FANK1: variants seen among roughly 807,000 people sequenced by gnomAD.
FANK1 encodes fibronectin type III and ankyrin repeat domains 1, also known as fibronectin type 3 and ankyrin repeat domains protein 1.
Under a neutral mutation model 45.3 loss-of-function variants are expected in FANK1, and 44 were observed. The ratio of observed to expected loss-of-function variants is 0.97; its 90% CI spans 0.76 to 1.25. The LOEUF is 1.25. Ranked by LOEUF, FANK1 falls within the 50% of genes most tolerant of loss-of-function variation. The probability of loss-of-function intolerance (pLI) is 0.00; values close to 1 mark genes in which losing one functional copy is unlikely to be tolerated. For missense variants in FANK1, 391 were observed against 424.4 expected (o/e 0.92, Z 0.69); for synonymous variants, 149 against 152.5 (o/e 0.98, Z 0.17).
intron 1 of FANK1, among the ~76,000 whole-genome samples, chr10:125,918,845 G>A (rs1412014184): frequency 6.6e-6 from 1 of 151,772 alleles, no homozygotes; most frequent in East Asian, 1.9e-4. Context: ...GATAGTTGGA[G>A]AAATTGCAGG....
At chr10:125,907,387 G>T (rs1200059791) in intron 1 of FANK1, 1 of 591,682 alleles carries the variant, frequency 1.7e-6, no homozygotes, top group African/African-American at 2.0e-5. Context: ...GTGATAGGCA[G>T]ACTTCTAAGA....
chr10:125,909,299 TGG>T (rs201418651), intron 1 of FANK1, among the ~76,000 whole-genome samples: 2,483 of 152,234 alleles, frequency 0.016, 32 homozygotes, highest in South Asian at 0.032. Context: ...TGAAAATCAC[TGG>T]GGGCCATCTT....
intron 2 of FANK1, among the ~76,000 whole-genome samples, chr10:125,985,068 G>A (rs188538981): frequency 1.4e-4 from 22 of 151,928 alleles, no homozygotes; most frequent in African/African-American, 4.1e-4. Flanking sequence ...TTTGACAAGC[G>A]TGCTTGGTAA....
chr10:125,906,900 A>T (rs560333070), intron 1 of FANK1, among the ~76,000 whole-genome samples: 1 of 152,356 alleles, frequency 6.6e-6, no homozygotes, highest in Admixed American at 6.5e-5. Flanking sequence ...CAGTTTCTCC[A>T]GTTATCTAGA....
chr10:126,006,956 T>A (rs1953262833), intron 7 of FANK1, among the ~76,000 whole-genome samples: 2 of 152,248 alleles, frequency 1.3e-5, no homozygotes, highest in Admixed American at 1.3e-4. Context: ...CAGATATGAA[T>A]ATACTTATTT....
At chr10:125,942,234 C>T (rs908909906) in intron 1 of FANK1, among the ~76,000 whole-genome samples, 3 of 152,038 alleles carry the variant, frequency 2.0e-5, no homozygotes, top group African/African-American at 4.8e-5. Context: ...GAGAGTCTGC[C>T]GAGAGCCACA....
intron 1 of FANK1, among the ~76,000 whole-genome samples, chr10:125,918,006 G>A (rs1453259318): frequency 6.6e-6 from 1 of 152,184 alleles, no homozygotes; most frequent in Non-Finnish European, 1.5e-5. Context: ...CTCGAATCTG[G>A]GGGTTCAAGC....
At chr10:125,919,946 A>G (rs934278783) in intron 1 of FANK1, among the ~76,000 whole-genome samples, 18 of 152,184 alleles carry the variant, frequency 1.2e-4, no homozygotes, top group Non-Finnish European at 2.5e-4. Flanking sequence ...AAACAAAACG[A>G]CTGTGACTTT....
chr10:125,986,750 C>G (rs1951586812), intron 2 of FANK1, among the ~76,000 whole-genome samples: 1 of 152,238 alleles, frequency 6.6e-6, no homozygotes, highest in Admixed American at 6.5e-5. Context: ...CTCATTCCCT[C>G]TGCCCTGTAC....
chr10:125,924,045 G>C (rs912133909), intron 1 of FANK1, among the ~76,000 whole-genome samples: 1 of 152,118 alleles, frequency 6.6e-6, no homozygotes, highest in African/African-American at 2.4e-5. Context: ...GAGCCTGTAA[G>C]GGGGAGGCTG....
intron 1 of FANK1, among the ~76,000 whole-genome samples, chr10:125,906,076 G>A (rs1264883053): frequency 2.0e-5 from 3 of 152,310 alleles, no homozygotes; most frequent in Non-Finnish European, 2.9e-5. Context: ...ACAAAGACTT[G>A]CTCCTTTCTA....
chr10:125,978,100 C>A (rs1409844998), intron 1 of FANK1, among the ~76,000 whole-genome samples: 44 of 152,074 alleles, frequency 2.9e-4, no homozygotes, highest in Admixed American at 2.8e-3. Context: ...ATGCTTGGGG[C>A]CTGCTCCAGT....
intron 1 of FANK1, among the ~76,000 whole-genome samples, chr10:125,900,633 T>TG (rs1016059740): frequency 1.1e-4 from 17 of 152,026 alleles, no homozygotes; most frequent in Admixed American, 4.6e-4. Context: ...TTCTGTTTTT[T>TG]TTTGTTTGTT....
chr10:125,919,916 A>G (rs1364051574), intron 1 of FANK1, among the ~76,000 whole-genome samples: 1 of 151,830 alleles, frequency 6.6e-6, no homozygotes, highest in Non-Finnish European at 1.5e-5. Flanking sequence ...GTTTCTGCCT[A>G]TAGTAATTCT....
At chr10:125,923,383 C>T (rs1564876626) in intron 1 of FANK1, among the ~76,000 whole-genome samples, 1 of 151,746 alleles carries the variant, frequency 6.6e-6, no homozygotes, top group African/African-American at 2.4e-5. Context: ...ATCATTTGAG[C>T]CAGGAAGGTC....
intron 1 of FANK1, among the ~76,000 whole-genome samples, chr10:125,935,248 A>G (rs1271390858): frequency 6.6e-6 from 1 of 152,080 alleles, no homozygotes; most frequent in Non-Finnish European, 1.5e-5. Context: ...GGATTATCTG[A>G]TTGTTATCTC....
At chr10:125,989,701 C>T (rs185133393) in intron 3 of FANK1, among the ~76,000 whole-genome samples, 3 of 152,310 alleles carry the variant, frequency 2.0e-5, no homozygotes, top group Non-Finnish European at 2.9e-5. Flanking sequence ...AAAGAGGGCT[C>T]GTTCCTTCAT....
At chr10:125,902,649 T>C (rs1287726938) in intron 1 of FANK1, among the ~76,000 whole-genome samples, 1 of 152,256 alleles carries the variant, frequency 6.6e-6, no homozygotes, top group Non-Finnish European at 1.5e-5. Flanking sequence ...CGAGATGTTT[T>C]AAACGAGTCT....
chr10:125,942,633 A>G (rs1948523965), intron 1 of FANK1, among the ~76,000 whole-genome samples: 1 of 152,190 alleles, frequency 6.6e-6, no homozygotes, highest in Non-Finnish European at 1.5e-5. Flanking sequence ...TGACAAATAT[A>G]AAACATTACC....
Sources: gnomAD v4.1 joint callset for allele counts (sites outside exome capture counted in the v4.1 genomes callset) on GRCh38, gnomAD v4.1.1 for gene constraint, MANE v1.5 for transcripts, NCBI Gene and HGNC (gene_info 2026-07-23, HGNC 2026-07-21) for gene names.